The following COL10A1 variants were observed in gnomAD, a reference collection of about 807,000 sequenced individuals.
COL10A1 encodes collagen type X alpha 1 chain.
Under a neutral mutation model 18.2 loss-of-function variants are expected in COL10A1, and 10 were observed. That is an observed-to-expected ratio of 0.55 (90% CI 0.34 to 0.93). COL10A1 has a LOEUF of 0.93. COL10A1 is among the 40% of genes least tolerant of loss of function. The probability of loss-of-function intolerance (pLI) is 0.02; values close to 1 mark genes in which losing one functional copy is unlikely to be tolerated. For synonymous variants in COL10A1, 330 were observed against 316.6 expected (o/e 1.04, Z -0.45); for missense variants, 897 against 853.5 (o/e 1.05, Z -0.64).
the COL10A1 span, among the ~76,000 whole-genome samples, chr6:116,183,447 G>A: frequency 5.3e-5 from 8 of 151,958 alleles, no homozygotes; most frequent in Admixed American, 5.2e-4. Context: ...CATTGAATCT[G>A]TATATTGCTT....
chr6:116,135,861 A>ATATGTG (rs1779583618), intron 1 of COL10A1, among the ~76,000 whole-genome samples: 1 of 123,572 alleles, frequency 8.1e-6, no homozygotes, highest in African/African-American at 3.2e-5. Context: ...ATATATATAT[A>ATATGTG]TATATATATA....
At chr6:116,204,127 G>GCTCTCGTGACCCAGTAAGGGAGAGGCT in the COL10A1 span, among the ~76,000 whole-genome samples, 17 of 151,928 alleles carry the variant, frequency 1.1e-4, no homozygotes, top group Non-Finnish European at 2.5e-4. Context: ...AGAGGACGAT[G>GCTCTCGTGACCCAGTAAGGGAGAGGCT]CACTGCTGTG....
At chr6:116,130,664 A>G (rs1417020651), upstream of COL10A1, among the ~76,000 whole-genome samples, 4 of 152,084 alleles carry the variant, frequency 2.6e-5, no homozygotes, top group Admixed American at 2.6e-4. Context: ...GGTGTTCATT[A>G]AATATAAGAT....
At chr6:116,198,697 C>G in the COL10A1 span, among the ~76,000 whole-genome samples, 1 of 151,938 alleles carries the variant, frequency 6.6e-6, no homozygotes, top group Admixed American at 6.6e-5. Context: ...CCACTGCACT[C>G]CAGCCTGGGC....
chr6:116,158,948 C>T (rs1214975748), upstream of COL10A1, among the ~76,000 whole-genome samples: 1 of 152,080 alleles, frequency 6.6e-6, no homozygotes, highest in Non-Finnish European at 1.5e-5. Flanking sequence ...TATTTGATCC[C>T]ATGTGTAAAT....
the COL10A1 span, among the ~76,000 whole-genome samples, chr6:116,183,985 A>G: frequency 5.9e-4 from 90 of 152,164 alleles, no homozygotes; most frequent in Admixed American, 2.1e-3. Flanking sequence ...TCCAGTTCTC[A>G]GGAGGATTGT....
chr6:116,160,903 G>A (rs1780311124), upstream of COL10A1, among the ~76,000 whole-genome samples: 1 of 151,990 alleles, frequency 6.6e-6, no homozygotes, highest in South Asian at 2.1e-4. Flanking sequence ...TATGTTTATT[G>A]CGGTATTATT....
chr6:116,182,430 G>A, the COL10A1 span, among the ~76,000 whole-genome samples: 1 of 152,006 alleles, frequency 6.6e-6, no homozygotes, highest in Non-Finnish European at 1.5e-5. Flanking sequence ...TCAAATGGTA[G>A]ATCTACTTTT....
At chr6:116,163,075 C>T (rs537446292), upstream of COL10A1, among the ~76,000 whole-genome samples, 1 of 142,576 alleles carries the variant, frequency 7.0e-6, no homozygotes, top group East Asian at 2.0e-4. Flanking sequence ...TGCAGTGAGC[C>T]GAGATCGTGC....
the COL10A1 span, among the ~76,000 whole-genome samples, chr6:116,191,339 A>G: frequency 6.6e-6 from 1 of 152,058 alleles, no homozygotes; most frequent in Non-Finnish European, 1.5e-5. Context: ...ATAGTAAACA[A>G]ACAAACAAAA....
chr6:116,210,350 T>G, the COL10A1 span, among the ~76,000 whole-genome samples: 2 of 150,470 alleles, frequency 1.3e-5, no homozygotes, highest in African/African-American at 4.9e-5. Context: ...CCCTGAAATG[T>G]AATAATGTAC....
Position 116,121,041 on chromosome 6 carries a change from C to T in COL10A1, c.1075G>A (p.Gly359Ser). 6.2e-7 allele frequency: 1 copy of T among 1,614,110 alleles called. No individual in the cohort carries two copies. The change falls in exon 3 of 3, where the codon GGC becomes AGC. Residue 359 changes from glycine (G) to serine (S), a missense_variant. Coordinates refer to ENST00000651968, the MANE Select transcript of COL10A1 (RefSeq NM_000493.4). ...GCTGGCCCTGTCTCACCTTTAGGGC[C>T]TGGGAGACCATGGCTACCCGGGATG... is the stretch of plus-strand genomic sequence containing the variant. ...KGIPGSHGLPGPKGETGPAGP... is the reference protein window; with the variant it reads ...KGIPGSHGLPSPKGETGPAGP...
rs1047618863 is a variant in COL10A1, at chr6:116,121,061, G to A, written c.1055C>T (p.Pro352Leu). The change falls in exon 3 of 3, where the codon CCG becomes CTG. Residue 352 changes from proline (P) to leucine (L), a missense_variant. Pro to Leu is a moderately conservative substitution (Grantham distance 98, BLOSUM62 -3). Transcript: ENST00000651968. The stretch of plus-strand genomic sequence containing the variant: ...AGGGCCTGGGAGACCATGGCTACCC[G>A]GGATGCCTTTTGGTCCTTGGGGTCC... ...NMGPQGPKGI[P>L]GSHGLPGPKG... 6.8e-6 allele frequency: 11 copies of A among 1,613,934 alleles called. No homozygotes were observed. The highest frequency in any genetic ancestry group is 4.5e-5 in the East Asian group (2 of 44,880).
chr6:116,189,767 G>A, the COL10A1 span, among the ~76,000 whole-genome samples: 1 of 151,850 alleles, frequency 6.6e-6, no homozygotes. Context: ...ATAGAAGATG[G>A]ATACAAAAAT....
At chr6:116,124,492 G>A (rs1562126844) in intron 2 of COL10A1, among the ~76,000 whole-genome samples, 1 of 152,166 alleles carries the variant, frequency 6.6e-6, no homozygotes, top group Non-Finnish European at 1.5e-5. Context: ...GGACAGGTAA[G>A]CAACAGATTC....
upstream of COL10A1, among the ~76,000 whole-genome samples, chr6:116,160,488 T>C (rs1780300811): frequency 2.0e-5 from 3 of 152,218 alleles, no homozygotes; most frequent in Non-Finnish European, 4.4e-5. Context: ...TCTTTTTGAT[T>C]TGTTTAACTT....
At chr6:116,185,078 T>C in the COL10A1 span, among the ~76,000 whole-genome samples, 3 of 152,082 alleles carry the variant, frequency 2.0e-5, no homozygotes, top group Non-Finnish European at 4.4e-5. Context: ...TATCATTAAG[T>C]TTAAAGAATT....
At chr6:116,131,484 G>A (rs1779462909) in intron 1 of COL10A1, among the ~76,000 whole-genome samples, 1 of 152,046 alleles carries the variant, frequency 6.6e-6, no homozygotes, top group African/African-American at 2.4e-5. Context: ...AGTTTTTCTT[G>A]ACCTGAACTG....
chr6:116,206,208 C>T, the COL10A1 span, among the ~76,000 whole-genome samples: 1 of 152,088 alleles, frequency 6.6e-6, no homozygotes, highest in East Asian at 1.9e-4. Context: ...TGGCCCATAG[C>T]ATTTCGTGGT....
Sources: allele counts gnomAD v4.1 joint callset (sites outside exome capture counted in the v4.1 genomes callset), GRCh38; gene constraint gnomAD v4.1.1; transcripts MANE v1.5; gene names NCBI Gene and HGNC (gene_info 2026-07-23, HGNC 2026-07-21).